AIFM3: variants seen among roughly 807,000 people sequenced by gnomAD.
The protein encoded by AIFM3 is apoptosis-inducing factor 3.
Under a neutral mutation model 82.7 loss-of-function variants are expected in AIFM3, and 71 were observed. That is an observed-to-expected ratio of 0.86 (90% CI 0.71 to 1.05). The LOEUF (loss-of-function observed/expected upper bound fraction) is 1.05. Ranked by LOEUF, AIFM3 falls within the 50% of genes least tolerant of loss-of-function variation. The probability of loss-of-function intolerance (pLI) is 0.00; values close to 1 mark genes in which losing one functional copy is unlikely to be tolerated. For synonymous variants in AIFM3, 337 were observed against 329.1 expected (o/e 1.02, Z -0.26); for missense variants, 748 against 816.7 (o/e 0.92, Z 1.03).
chr22:20,975,936 T>C (rs1281177644), intron 9 of AIFM3, among the ~76,000 whole-genome samples, 158 bp downstream of exon 9: 1 of 152,240 alleles, frequency 6.6e-6, no homozygotes, highest in Non-Finnish European at 1.5e-5. Context: ...AAGGAGCTTT[T>C]TCCTGATGGG....
At chr22:20,980,916 G>A in intron 20 of AIFM3, 76 bp from the exon 21 acceptor site, 2 of 1,611,528 alleles carry the variant, frequency 1.2e-6, no homozygotes, top group South Asian at 2.2e-5. Context: ...TGTCCTCAAG[G>A]GCCAGCTGTT....
chr22:20,976,291 T>G lies in AIFM3; in HGVS notation c.884T>G (p.Leu295Arg), dbSNP rs1430098224. 1 of 1,614,062 alleles carries G rather than the reference T, an allele frequency of 6.2e-7. No homozygotes were observed. The highest frequency in any genetic ancestry group is 1.1e-5 in the South Asian group (1 of 91,090). The change falls in exon 10 of 21, where the codon CTG becomes CGG. Residue 295 changes from leucine to arginine, a missense_variant. By Grantham distance (102) the Leu-to-Arg change is moderately radical. Around this residue, in one of 5 missense-constraint regions of AIFM3, gnomAD observed 393 missense variants for 481.1 expected, o/e 0.82. Coordinates refer to ENST00000440238, the MANE Select transcript of AIFM3 (RefSeq NM_001386814.1). ...AAGCTGGAGTACAGCAAGCTGCTGC[T>G]GGCACCAGGGAGCAGGTGGGAGGGT... ...GFKLEYSKLLLAPGSSPKTLS... is the reference protein window; with the variant it reads ...GFKLEYSKLLRAPGSSPKTLS...
chr22:20,977,223 C>T, intron 14 of AIFM3, 128 bp downstream of exon 14: 1 of 1,266,196 alleles, frequency 7.9e-7, no homozygotes, highest in Middle Eastern at 2.7e-4. Context: ...AATGGGAACC[C>T]CCAACCGCCC....
At chr22:20,973,001 T>G (rs1409859648) in intron 2 of AIFM3, among the ~76,000 whole-genome samples, 3 of 151,018 alleles carry the variant, frequency 2.0e-5, no homozygotes, top group Non-Finnish European at 4.4e-5. Context: ...GAGCCGAGAT[T>G]GCATGACTGC....
In AIFM3 at chr22:20,981,072, A is replaced by G; in HGVS notation, c.*41A>G. ...ACTTGGGCAGGCAAAGGGGGCACCA[A>G]GGGCACAGGCCAAGCCTTGGGGGCA... On this transcript the variant is annotated 3_prime_UTR_variant, in exon 21 of 21. Coordinates refer to ENST00000440238, the MANE Select transcript of AIFM3 (RefSeq NM_001386814.1). The G allele has an allele frequency of 6.2e-7, 1 of 1,613,366 alleles. No individual in the cohort carries two copies. The highest frequency in any genetic ancestry group is 1.3e-5 in the African/African-American group (1 of 75,048).
chr22:20,974,130 C>A lies in AIFM3; in HGVS notation c.423C>A (p.Asp141Glu). The A allele has an allele frequency of 6.2e-7, 1 of 1,613,366 alleles. No individual in the cohort carries two copies. Residue 141 changes from aspartate to glutamate, a missense_variant, in exon 5 of 21, where the codon GAC becomes GAA. Asp to Glu is a conservative substitution (Grantham distance 45). Coordinates refer to ENST00000440238, the MANE Select transcript of AIFM3 (RefSeq NM_001386814.1). ...HGACFNISTG[D>E]LEDFPGLDSL... ...CCTGCTTCAACATCAGCACTGGGGA[C>A]CTGGAGGACTTCCCTGGCCTGGACA... is the stretch of plus-strand genomic sequence containing the variant.
chr22:20,977,248 T>C, intron 14 of AIFM3, 153 bp downstream of exon 14: 1 of 1,107,252 alleles, frequency 9.0e-7, no homozygotes, highest in Non-Finnish European at 1.3e-6. Context: ...TTTACGGAGC[T>C]GTTGGGGAAG....
intron 1 of AIFM3, chr22:20,967,580 C>T (rs563050670): frequency 1.0e-4 from 31 of 306,214 alleles, no homozygotes; most frequent in African/African-American, 1.5e-4. Flanking sequence ...GATGGGCGGC[C>T]GAGGTTCGGG....
chr22:20,968,054 T>G, intron 2 of AIFM3, 79 bp downstream of exon 2: 2 of 1,447,062 alleles, frequency 1.4e-6, no homozygotes, highest in Non-Finnish European at 1.9e-6. Flanking sequence ...CCTCCCCCTC[T>G]GCACTCGGTA....
intron 1 of AIFM3, 142 bp from the exon 2 acceptor site, chr22:20,967,663 C>T (rs1188463431): frequency 7.4e-6 from 4 of 540,462 alleles, no homozygotes; most frequent in Non-Finnish European, 6.6e-6. Flanking sequence ...CTCCAGGGCC[C>T]CACGCTCTGG....
intron 19 of AIFM3, 27 bp downstream of exon 19, chr22:20,980,151 G>T: frequency 1.3e-6 from 2 of 1,598,228 alleles, no homozygotes; most frequent in Non-Finnish European, 1.7e-6. Flanking sequence ...GAAGCCTGGG[G>T]GTGGGAGTAG....
intron 14 of AIFM3, chr22:20,977,369 T>G (rs1923757173): frequency 1.6e-6 from 1 of 606,742 alleles, no homozygotes; most frequent in Non-Finnish European, 2.9e-6. Flanking sequence ...AGACTCGAAC[T>G]GGCTTCTGCT....
At chr22:20,965,608 C>G (rs1434775274), upstream of AIFM3, 1 of 152,746 alleles carries the variant, frequency 6.5e-6, no homozygotes, top group Non-Finnish European at 1.5e-5. Context: ...GGGGAGAGCG[C>G]GGAGCCCCCA....
upstream of AIFM3, chr22:20,965,504 G>T (rs1216525155): frequency 6.6e-6 from 1 of 152,664 alleles, no homozygotes; most frequent in Non-Finnish European, 1.5e-5. Context: ...GACGGAGCCG[G>T]CGAGGCTGCT....
At chr22:20,975,639 C>T (rs1285921299) in intron 8 of AIFM3, 53 bp from the exon 9 acceptor site, 2 of 1,581,356 alleles carry the variant, frequency 1.3e-6, no homozygotes, top group Admixed American at 1.7e-5. Flanking sequence ...TTCCCTGGGC[C>T]CCAGTGTCTT....
chr22:20,974,449 G>C, intron 6 of AIFM3, 76 bp from the exon 7 acceptor site: 1 of 1,564,996 alleles, frequency 6.4e-7, no homozygotes. Context: ...GGCTGGGCTG[G>C]AGCGCCAGGA....
At position 20,974,303 on chromosome 22, in the gene AIFM3, G is replaced by C. The variant is rs764142718; in HGVS notation, c.510+7G>C. The C allele has an allele frequency of 1.9e-6, 3 of 1,613,100 alleles. No individual in the cohort carries two copies. The highest frequency in any genetic ancestry group is 2.7e-5 in the African/African-American group (2 of 74,892). ...CGTCCGGGCCAGCAAGCAGGTGAGG[G>C]GATAGCTCGGGGCTCAGGCAGAAGG... is the stretch of plus-strand genomic sequence containing the variant. On this transcript the variant is annotated splice_region_variant and intron_variant, in intron 6 of 20. Coordinates refer to ENST00000440238, the MANE Select transcript of AIFM3 (RefSeq NM_001386814.1).
chr22:20,973,844 A>G lies in AIFM3; in HGVS notation c.332A>G (p.His111Arg), dbSNP rs764765760. ...CACGCCCTGGGCCATAAGTGTCCGCACTACGGCGCACCCCTGGTGAAAGGT... is the reference window on the plus strand; with the variant it reads ...CACGCCCTGGGCCATAAGTGTCCGCGCTACGGCGCACCCCTGGTGAAAGGT... ...EFHALGHKCP[H>R]YGAPLVKGVL... The change falls in exon 4 of 21, where the codon CAC (histidine) becomes CGC (arginine). Residue 111 changes from histidine (H) to arginine (R), a missense_variant. Physicochemically the swap from His to Arg is conservative, Grantham distance 29. Transcript: ENST00000440238. The G allele has an allele frequency of 1.9e-6, 3 of 1,556,768 alleles. No individual in the cohort carries two copies. The highest frequency in any genetic ancestry group is 4.7e-5 in the East Asian group (2 of 42,534).
Position 20,967,874 on chromosome 22 carries a change from G to C in AIFM3, c.-71G>C, listed in dbSNP as rs909782533. On this transcript the variant is annotated 5_prime_UTR_variant, in exon 2 of 21. Transcript: ENST00000440238. The stretch of plus-strand genomic sequence containing the variant: ...GGCCTGCAGGGGGTCCAGCCCCATG[G>C]GGGGCGCCCTAGGCCTCCGACAGCT... 3.2e-6 allele frequency: 5 copies of C among 1,577,598 alleles called. No individual in the cohort carries two copies. Among genetic ancestry groups the C allele is most frequent in the East Asian group, 2.2e-5 (1 of 44,682 alleles).
Sources: gnomAD v4.1 joint callset for allele counts (sites outside exome capture counted in the v4.1 genomes callset) on GRCh38, gnomAD v4.1.1 for gene constraint, gnomAD v4.1.1 regional missense constraint, MANE v1.5 for transcripts, NCBI Gene and HGNC (gene_info 2026-07-23, HGNC 2026-07-21) for gene names.